The following PDCD6IP variants were observed in gnomAD, a reference collection of about 807,000 sequenced individuals.
The protein encoded by PDCD6IP is programmed cell death 6-interacting protein.
PDCD6IP carries 43 observed loss-of-function variants against 103.7 expected under a neutral mutation model. The ratio of observed to expected loss-of-function variants is 0.41; its 90% CI spans 0.32 to 0.53. The LOEUF is 0.53. Ranked by LOEUF, PDCD6IP falls within the 20% of genes least tolerant of loss-of-function variation. The pLI is 0.16. For synonymous variants in PDCD6IP, 354 were observed against 378.7 expected (o/e 0.93, Z 0.76); for missense variants, 871 against 1,036.7 (o/e 0.84, Z 2.20).
intron 12 of PDCD6IP, among the ~76,000 whole-genome samples, chr3:33,847,683 C>T (rs1025840311): frequency 1.3e-5 from 2 of 152,156 alleles, no homozygotes; most frequent in Admixed American, 6.5e-5. Context: ...TACTTATTTT[C>T]AGTCTCTTTG....
chr3:33,852,434 T>C, intron 12 of PDCD6IP, 54 bp from the exon 13 acceptor site: 3 of 1,383,296 alleles, frequency 2.2e-6, no homozygotes, highest in Non-Finnish European at 2.8e-6. Context: ...TTCTCGAAAT[T>C]GGCTTTTTTT....
At chr3:33,829,496 T>G (rs1204444371) in intron 7 of PDCD6IP, among the ~76,000 whole-genome samples, 2 of 152,046 alleles carry the variant, frequency 1.3e-5, no homozygotes, top group East Asian at 3.9e-4. Context: ...TATATATATA[T>G]ATACACACAT....
intron 7 of PDCD6IP, among the ~76,000 whole-genome samples, chr3:33,831,934 T>C (rs900292513): frequency 1.1e-4 from 17 of 152,196 alleles, no homozygotes. Context: ...AGCTGCATTG[T>C]ACTTCACTGT....
chr3:33,859,159 A>G (rs11129563), intron 15 of PDCD6IP, among the ~76,000 whole-genome samples: 40,339 of 152,136 alleles, frequency 0.27, 5,653 homozygotes, highest in East Asian at 0.39. Flanking sequence ...TCTTCAGCCA[A>G]CCAGAAGAGG....
chr3:33,844,144 C>T lies in PDCD6IP; in HGVS notation c.1392C>T (p.Thr464=), dbSNP rs139160255. 4.3e-4 allele frequency: 684 copies of T among 1,607,352 alleles called. No individual in the cohort carries two copies. Among genetic ancestry groups the T allele is most frequent in the Non-Finnish European group, 5.5e-4 (643 of 1,178,238 alleles). ...GGTTGTTGGATGAAGAAGAAGCAAC[C>T]GATAATGATTTAAGAGCAAAATTTA... is the stretch of plus-strand genomic sequence containing the variant. The part of the protein sequence containing the change: ...SLRLLDEEEA[T]DNDLRAKFKE... Residue 464 remains threonine (T), a synonymous_variant, in exon 11 of 18, where the codon ACC becomes ACT. Transcript: ENST00000307296.
At chr3:33,828,361 T>G (rs1697174489) in intron 6 of PDCD6IP, 2 of 152,262 alleles carry the variant, frequency 1.3e-5, no homozygotes, top group African/African-American at 4.8e-5. Flanking sequence ...GAAAATTTAC[T>G]GTCTTTTTTT....
At chr3:33,807,937 G>T (rs753558717) in intron 1 of PDCD6IP, among the ~76,000 whole-genome samples, 4 of 152,208 alleles carry the variant, frequency 2.6e-5, no homozygotes, top group African/African-American at 7.2e-5. Context: ...ACCTTTAGGC[G>T]TTGTTGCCTC....
At chr3:33,806,608 C>G (rs1161306751) in intron 1 of PDCD6IP, among the ~76,000 whole-genome samples, 1 of 152,226 alleles carries the variant, frequency 6.6e-6, no homozygotes, top group Non-Finnish European at 1.5e-5. Context: ...TTTCCCTGTG[C>G]CTACTTATAC....
At position 33,852,527 on chromosome 3, in the gene PDCD6IP, GA is replaced by G; in HGVS notation, c.1683del (p.Val562Ter). ...VLKSLLSNLD[E>X]VKKEREGLEN... The stretch of plus-strand genomic sequence containing the variant: ...AAAATCCTTATTGTCAAATCTTGAT[GA>G]AGTAAAGAAGGAAAGAGAGGGTCTG... On this transcript the variant is annotated frameshift_variant, in exon 13 of 18. Transcript: ENST00000307296. LOFTEE classifies it high-confidence loss of function. 1 of 1,438,698 alleles carries G rather than the reference GA, an allele frequency of 7.0e-7. No individual in the cohort carries two copies. Among genetic ancestry groups the G allele is most frequent in the South Asian group, 1.2e-5 (1 of 81,394 alleles). 89.1% of individuals were successfully genotyped at this position (1,438,698 alleles called of 1,614,324 possible).
intron 3 of PDCD6IP, among the ~76,000 whole-genome samples, chr3:33,818,454 G>A (rs964703797): frequency 1.4e-5 from 2 of 142,600 alleles, no homozygotes; most frequent in African/African-American, 5.2e-5. Flanking sequence ...CTGGCCTAAT[G>A]TATATATTTA....
At chr3:33,853,848 A>C in intron 13 of PDCD6IP, 31 bp from the exon 14 acceptor site, 1 of 1,362,270 alleles carries the variant, frequency 7.3e-7, no homozygotes, top group Non-Finnish European at 9.7e-7. Context: ...TTATAAATAA[A>C]TGTAAATATG....
At position 33,868,550 on chromosome 3, in the gene PDCD6IP, C is replaced by T. The variant is rs1698116453; in HGVS notation, c.*2025C>T. 1 of 152,632 alleles carries T rather than the reference C, an allele frequency of 6.6e-6. No individual in the cohort carries two copies. Among genetic ancestry groups the T allele is most frequent in the African/African-American group, 2.4e-5 (1 of 41,454 alleles). 9.5% of individuals were successfully genotyped at this position (152,632 alleles called of 1,614,324 possible). ...AACCTTTTAAATGTAGCAACACAAA[C>T]CCTTTCCCTCTTGTCAGTTCACTCA... On this transcript the variant is annotated 3_prime_UTR_variant, in exon 18 of 18. Transcript: ENST00000307296.
intron 10 of PDCD6IP, among the ~76,000 whole-genome samples, chr3:33,842,609 C>G (rs924189277): frequency 6.6e-6 from 1 of 151,418 alleles, no homozygotes. Context: ...CTCTTGTGTT[C>G]AGTTTTTTTG....
intron 3 of PDCD6IP, among the ~76,000 whole-genome samples, chr3:33,816,084 A>C (rs1696843356): frequency 6.6e-6 from 1 of 152,216 alleles, no homozygotes; most frequent in South Asian, 2.1e-4. Flanking sequence ...AGTGGTTCCC[A>C]AACCTGGCTG....
intron 15 of PDCD6IP, among the ~76,000 whole-genome samples, chr3:33,861,019 G>A (rs1697939784): frequency 6.7e-6 from 1 of 148,928 alleles, no homozygotes; most frequent in African/African-American, 2.5e-5. Flanking sequence ...AAAAACAGGT[G>A]AAATTAATTT....
intron 6 of PDCD6IP, chr3:33,827,026 A>C: frequency 3.0e-6 from 3 of 994,044 alleles, no homozygotes; most frequent in Non-Finnish European, 3.6e-6. Flanking sequence ...AAACTTAACA[A>C]ATTCATCTGA....
chr3:33,802,799 C>T lies in PDCD6IP; in HGVS notation c.209+3862C>T, dbSNP rs1313057817. On this transcript the variant is annotated intron_variant, in intron 1 of 17. Coordinates refer to ENST00000307296, the MANE Select transcript of PDCD6IP (RefSeq NM_013374.6). ...GCCACTGTGCCCGGCCAATCTCTGACGTTTTTTTGAGAGTGAACCTACCTT... is the reference window on the plus strand; with the variant it reads ...GCCACTGTGCCCGGCCAATCTCTGATGTTTTTTTGAGAGTGAACCTACCTT... 2.6e-5 allele frequency among the ~76,000 whole-genome samples: 4 copies of T among 152,082 alleles called. No homozygotes were observed. The South Asian group carries it at 6.2e-4, about 24-fold the overall frequency.
At chr3:33,858,576 T>C (rs1697880547) in intron 15 of PDCD6IP, among the ~76,000 whole-genome samples, 1 of 152,076 alleles carries the variant, frequency 6.6e-6, no homozygotes, top group African/African-American at 2.4e-5. Flanking sequence ...TTTGGGAGGC[T>C]GAGGCGGGCG....
chr3:33,810,896 A>G (rs79159116), intron 1 of PDCD6IP, among the ~76,000 whole-genome samples: 1 of 138,124 alleles, frequency 7.2e-6, no homozygotes, highest in Non-Finnish European at 1.6e-5. Context: ...ATGTTTGTGG[A>G]TTTTTTTTTT....
Sources: allele counts gnomAD v4.1 joint callset (sites outside exome capture counted in the v4.1 genomes callset), GRCh38; gene constraint gnomAD v4.1.1; transcripts MANE v1.5; gene names NCBI Gene and HGNC (gene_info 2026-07-23, HGNC 2026-07-21).